The following MYO3A variants were observed in gnomAD, a reference collection of about 807,000 sequenced individuals.
MYO3A encodes the protein myosin IIIA, also known as myosin-IIIa.
In MYO3A, 180 loss-of-function variants were observed where a neutral mutation model predicts 192.7. That is an observed-to-expected ratio of 0.93 (90% CI 0.83 to 1.06). MYO3A has a LOEUF of 1.06. MYO3A is among the 50% of genes least tolerant of loss of function. MYO3A has a pLI of 0.00. For synonymous variants in MYO3A, 628 were observed against 645.3 expected (o/e 0.97, Z 0.41); for missense variants, 1,896 against 1,905.0 (o/e 1.00, Z 0.09).
chr10:26,098,380 G>T (rs747845824), intron 17 of MYO3A, among the ~76,000 whole-genome samples: 2 of 152,102 alleles, frequency 1.3e-5, no homozygotes, highest in South Asian at 4.1e-4. Context: ...CACTCTGATG[G>T]TGTTTCTTTT....
chr10:26,166,231 G>A lies in MYO3A; in HGVS notation c.3111+53G>A, dbSNP rs780985821. ...AATAAATAATTATGCTGGGTTCACT[G>A]AGAATTGTAACATTTTACAATGTTT... On this transcript the variant is annotated intron_variant, in intron 27 of 34. Coordinates refer to ENST00000642920, the MANE Select transcript of MYO3A (RefSeq NM_017433.5). 110 of 1,381,184 alleles carry A rather than the reference G, an allele frequency of 8.0e-5. 4 individuals carry two copies. In the South Asian group the frequency reaches 1.1e-3, roughly 14 times the overall value. The allele number at this position is 1,381,184 out of a possible 1,614,324, so 85.6% of individuals were successfully genotyped here.
intron 4 of MYO3A, among the ~76,000 whole-genome samples, chr10:25,989,702 G>A (rs1839891593): frequency 6.6e-6 from 1 of 152,162 alleles, no homozygotes; most frequent in Non-Finnish European, 1.5e-5. Context: ...TACTATAAGT[G>A]TTCAGGCATC....
At chr10:26,111,395 A>G (rs1838169203) in intron 17 of MYO3A, among the ~76,000 whole-genome samples, 1 of 152,114 alleles carries the variant, frequency 6.6e-6, no homozygotes, top group South Asian at 2.1e-4. Context: ...AGGCATCATA[A>G]ATGACCACTT....
chr10:26,081,133 T>TCCCCCCCCCCCCCCCCCCCC lies in MYO3A; in HGVS notation c.1360-7058_1360-7057insCCCCCCCCCCCCCCCCCCCC, dbSNP rs60099269. On this transcript the variant is annotated intron_variant, in intron 14 of 34. Transcript: ENST00000642920. ...TAGAATTCCCAAGATTATATGCCCT[T>TCCCCCCCCCCCCCCCCCCCC]CCCCCCCCCCCCGCCCCCGCTACCA... Among the ~76,000 whole-genome samples the TCCCCCCCCCCCCCCCCCCCC allele has an allele frequency of 5.9e-5, 5 of 84,982 alleles. 1 individual carries two copies. The highest frequency in any genetic ancestry group is 8.4e-5 in the African/African-American group (2 of 23,746). The allele number at this position is 84,982 out of a possible 152,430, so 55.8% of individuals were successfully genotyped here.
intron 14 of MYO3A, among the ~76,000 whole-genome samples, chr10:26,076,210 T>C (rs142419038): frequency 6.6e-6 from 1 of 152,188 alleles, no homozygotes; most frequent in African/African-American, 2.4e-5. Context: ...TAAGGTGGTA[T>C]CACATTGTGG....
intron 17 of MYO3A, among the ~76,000 whole-genome samples, chr10:26,116,482 C>G (rs1234590047): frequency 6.6e-6 from 1 of 152,156 alleles, no homozygotes; most frequent in Non-Finnish European, 1.5e-5. Flanking sequence ...TGCAATGAGC[C>G]TATTTCCAAA....
rs192798265 is a variant in MYO3A, at chr10:26,067,138, G to A, written c.1053+64G>A. 3.8e-5 allele frequency: 39 copies of A among 1,036,448 alleles called. No individual in the cohort carries two copies. The African/African-American group carries it at 5.4e-4, about 14-fold the overall frequency. 64.2% of individuals were successfully genotyped at this position (1,036,448 alleles called of 1,614,324 possible). The stretch of plus-strand genomic sequence containing the variant: ...TGTTTTGTTAATTTATAGAAGACAC[G>A]GGTATTGGTAGAAGGGGAAGGAATA... On this transcript the variant is annotated intron_variant, in intron 11 of 34. Coordinates refer to ENST00000642920, the MANE Select transcript of MYO3A (RefSeq NM_017433.5).
rs369025890 is a variant in MYO3A, at chr10:26,096,634, G to A, written c.1728G>A (p.Gln576=). ...DIMNNSFYKS[Q]YELIEQCFKV... ...TGAATAATAGTTTCTATAAATCCCA[G>A]TATGAATTAATTGAGCAATGTTTCA... is the stretch of plus-strand genomic sequence containing the variant. The change falls in exon 17 of 35, where the codon CAG becomes CAA. Residue 576 remains glutamine, a synonymous_variant. Coordinates refer to ENST00000642920, the MANE Select transcript of MYO3A (RefSeq NM_017433.5). 13 of 1,606,486 alleles carry A rather than the reference G, an allele frequency of 8.1e-6. No individual in the cohort carries two copies. The African/African-American group carries it at 1.6e-4, about 20-fold the overall frequency.
intron 6 of MYO3A, among the ~76,000 whole-genome samples, chr10:26,009,056 G>A (rs541045330): frequency 3.3e-5 from 5 of 152,116 alleles, no homozygotes; most frequent in African/African-American, 1.2e-4. Context: ...CCATAAAAAG[G>A]ATGAGTTCAT....
intron 10 of MYO3A, among the ~76,000 whole-genome samples, chr10:26,027,451 C>T (rs1842607300): frequency 6.6e-6 from 1 of 151,972 alleles, no homozygotes; most frequent in Admixed American, 6.6e-5. Flanking sequence ...TTCAAGTGAT[C>T]TTCCTTCTTC....
intron 15 of MYO3A, among the ~76,000 whole-genome samples, chr10:26,093,742 T>G (rs551169659): frequency 1.2e-4 from 19 of 152,312 alleles, no homozygotes; most frequent in Admixed American, 4.6e-4. Flanking sequence ...TCTACGTGAT[T>G]GACACCCAAA....
At chr10:26,088,435 G>A (rs1203809841) in intron 15 of MYO3A, 30 bp downstream of exon 15, 1 of 1,586,112 alleles carries the variant, frequency 6.3e-7, no homozygotes, top group Non-Finnish European at 8.7e-7. Context: ...CTCCTATTTT[G>A]GAGGAAGCAG....
rs985370597 is a variant in MYO3A, at chr10:26,179,641, G to A, written c.4438+2796G>A. ...TGTTCAAAGAATTACCTCCAACAAA[G>A]GTTCCAAGAACTCCTAGTGTTTTAT... On this transcript the variant is annotated intron_variant, in intron 31 of 34. Coordinates refer to ENST00000642920, the MANE Select transcript of MYO3A (RefSeq NM_017433.5). Among the ~76,000 whole-genome samples the A allele has an allele frequency of 2.6e-5, 4 of 152,066 alleles. No homozygotes were observed. The East Asian group carries it at 7.7e-4, about 29-fold the overall frequency.
At chr10:25,995,022 C>T (rs537246526) in intron 4 of MYO3A, among the ~76,000 whole-genome samples, 1,642 of 152,160 alleles carry the variant, frequency 0.011, 24 homozygotes, top group African/African-American at 0.036. Context: ...ATCTTTGTGG[C>T]GTTCTCTGTA....
At chr10:26,153,357 T>C (rs1840912164) in intron 23 of MYO3A, among the ~76,000 whole-genome samples, 1 of 152,230 alleles carries the variant, frequency 6.6e-6, no homozygotes, top group African/African-American at 2.4e-5. Context: ...TTGGGTTGTG[T>C]GCATTTGTGT....
chr10:26,155,998 C>T (rs1841085987), intron 25 of MYO3A, among the ~76,000 whole-genome samples: 1 of 152,188 alleles, frequency 6.6e-6, no homozygotes, highest in Admixed American at 6.5e-5. Context: ...TATTTTCATT[C>T]TGCAGAGAAG....
intron 34 of MYO3A, among the ~76,000 whole-genome samples, chr10:26,209,540 A>G (rs1589130077): frequency 1.3e-5 from 2 of 152,084 alleles, no homozygotes; most frequent in South Asian, 4.1e-4. Context: ...CGACACTGAA[A>G]TTGCCTCTGC....
chr10:25,940,485 A>G (rs944575479), intron 2 of MYO3A, among the ~76,000 whole-genome samples: 6 of 152,196 alleles, frequency 3.9e-5, no homozygotes, highest in South Asian at 2.1e-4. Context: ...TTACTGTTCA[A>G]TCTTGTCCAA....
chr10:26,100,428 A>G (rs963060477), intron 17 of MYO3A, among the ~76,000 whole-genome samples: 1 of 152,022 alleles, frequency 6.6e-6, no homozygotes, highest in South Asian at 2.1e-4. Flanking sequence ...TGTCTTAGTT[A>G]TTTCTTGCCT....
Sources: gnomAD v4.1 joint callset for allele counts (sites outside exome capture counted in the v4.1 genomes callset) on GRCh38, gnomAD v4.1.1 for gene constraint, MANE v1.5 for transcripts, NCBI Gene and HGNC (gene_info 2026-07-23, HGNC 2026-07-21) for gene names.